ZNF385D: variants seen among roughly 807,000 people sequenced by gnomAD.
The protein encoded by ZNF385D is zinc finger protein 385D, also known as zinc finger protein 659.
A neutral mutation model predicts 35.8 loss-of-function variants in ZNF385D; 15 were observed. The ratio of observed to expected loss-of-function variants is 0.42; its 90% confidence interval spans 0.28 to 0.64. The LOEUF is 0.64. Among genes scored for constraint, ZNF385D ranks in the 30% least tolerant of loss-of-function variants. ZNF385D has a pLI of 0.23. For synonymous variants in ZNF385D, 212 were observed against 186.8 expected, an observed-to-expected ratio of 1.13 and a Z score of -1.10; for missense variants, 474 against 494.6, an observed-to-expected ratio of 0.96 and a Z score of 0.39.
intron 2 of ZNF385D, among the ~76,000 whole-genome samples, chr3:22,214,579 T>C (rs1270213517): frequency 1.3e-5 from 2 of 152,056 alleles, no homozygotes; most frequent in Non-Finnish European, 2.9e-5. Flanking sequence ...AGAAAGGGAA[T>C]GCGTCCCTGA....
chr3:22,188,720 G>C (rs1290900926), intron 2 of ZNF385D, among the ~76,000 whole-genome samples: 1 of 152,178 alleles, frequency 6.6e-6, no homozygotes, highest in Non-Finnish European at 1.5e-5. Context: ...AAAGTGCTGA[G>C]ATTACAGGCA....
Position 22,203,029 on chromosome 3 carries a change from A to C in ZNF385D, c.107-33994T>G, listed in dbSNP as rs546973783. Among the ~76,000 whole-genome samples the C allele has an allele frequency of 2.2e-4, 33 of 152,192 alleles. No individual in the cohort carries two copies. In the South Asian group the frequency reaches 4.1e-3, roughly 19 times the overall value. On this transcript the variant is annotated intron_variant, in intron 2 of 5. Coordinates refer to the ZNF385D transcript ENST00000494108. ...TGCGCTTGGAACCAGTGAATGTGGG[A>C]GACATGCAACCTAGGGAGACATCAT...
intron 1 of ZNF385D, among the ~76,000 whole-genome samples, chr3:21,720,919 C>T (rs1036433406): frequency 3.9e-5 from 6 of 152,130 alleles, no homozygotes; most frequent in Admixed American, 1.3e-4. Context: ...ATTATTTGTA[C>T]CTTTTTCCTG....
chr3:22,047,257 G>C (rs1273537467), intron 3 of ZNF385D, among the ~76,000 whole-genome samples: 1 of 151,860 alleles, frequency 6.6e-6, no homozygotes, highest in Non-Finnish European at 1.5e-5. Context: ...GTGGTGGTAA[G>C]AACACTTAAA....
At chr3:22,255,052 T>C (rs1222873150) in intron 2 of ZNF385D, among the ~76,000 whole-genome samples, 1 of 151,946 alleles carries the variant, frequency 6.6e-6, no homozygotes, top group Non-Finnish European at 1.5e-5. Context: ...AATCTATGTA[T>C]TATTCATTTC....
chr3:22,005,666 TCA>T (rs543538408), intron 3 of ZNF385D, among the ~76,000 whole-genome samples: 9 of 152,188 alleles, frequency 5.9e-5, no homozygotes, highest in African/African-American at 2.2e-4. Flanking sequence ...CATTATATTC[TCA>T]CACCTCATTA....
chr3:22,043,421 G>A (rs1698793758), intron 3 of ZNF385D, among the ~76,000 whole-genome samples: 1 of 152,086 alleles, frequency 6.6e-6, no homozygotes, highest in Non-Finnish European at 1.5e-5. Flanking sequence ...TACAAACTGA[G>A]TTGCATTTTA....
chr3:21,478,391 TAA>T (rs1231448403), intron 4 of ZNF385D, among the ~76,000 whole-genome samples: 1 of 152,120 alleles, frequency 6.6e-6, no homozygotes, highest in African/African-American at 2.4e-5. Flanking sequence ...GTAAAAAGGA[TAA>T]AAGAGTTGAA....
At chr3:21,594,007 G>T (rs1316562687) in intron 2 of ZNF385D, among the ~76,000 whole-genome samples, 1 of 152,044 alleles carries the variant, frequency 6.6e-6, no homozygotes, top group Non-Finnish European at 1.5e-5. Context: ...AGTTAAGGCA[G>T]TTTAACTACC....
chr3:21,590,624 G>A (rs115081946), intron 2 of ZNF385D, among the ~76,000 whole-genome samples: 4,901 of 152,138 alleles, frequency 0.032, 151 homozygotes, highest in Middle Eastern at 0.075. Flanking sequence ...CAATCATTTA[G>A]TATAGTCACA....
chr3:21,556,784 G>A (rs1448186797), intron 3 of ZNF385D, among the ~76,000 whole-genome samples: 1 of 152,146 alleles, frequency 6.6e-6, no homozygotes, highest in Non-Finnish European at 1.5e-5. Context: ...CCATTTTCAC[G>A]ATATCGATTC....
intron 3 of ZNF385D, among the ~76,000 whole-genome samples, chr3:22,130,756 G>C (rs1165761943): frequency 1.2e-4 from 18 of 152,072 alleles, no homozygotes; most frequent in Admixed American, 1.0e-3. Context: ...TCCTTGATAT[G>C]ATGTTAGAAC....
chr3:21,732,169 C>T (rs2069048740), intron 1 of ZNF385D, among the ~76,000 whole-genome samples: 1 of 150,878 alleles, frequency 6.6e-6, no homozygotes, highest in African/African-American at 2.4e-5. Flanking sequence ...CCTGCCTCAG[C>T]CTCCCGAGTA....
intron 5 of ZNF385D, among the ~76,000 whole-genome samples, chr3:21,430,156 T>C (rs1701227518): frequency 6.6e-6 from 1 of 152,096 alleles, no homozygotes; most frequent in Admixed American, 6.6e-5. Flanking sequence ...AGAAGAAAAC[T>C]TTGGTTTACA....
upstream of ZNF385D, among the ~76,000 whole-genome samples, chr3:21,755,855 G>A (rs749858210): frequency 1.3e-5 from 2 of 152,136 alleles, no homozygotes; most frequent in African/African-American, 2.4e-5. Context: ...GATGAAGAAC[G>A]CTGCAGAAAG....
intron 2 of ZNF385D, among the ~76,000 whole-genome samples, chr3:21,639,182 GC>G (rs2065530920): frequency 6.6e-6 from 1 of 151,944 alleles, no homozygotes; most frequent in South Asian, 2.1e-4. Context: ...ACTTCCACAT[GC>G]CCTGTATCTC....
At chr3:21,785,163 G>A (rs373001488) in intron 3 of ZNF385D, among the ~76,000 whole-genome samples, 13 of 152,208 alleles carry the variant, frequency 8.5e-5, no homozygotes, top group East Asian at 1.9e-4. Flanking sequence ...CCCAAATCAC[G>A]TAACTATTAA....
intron 2 of ZNF385D, among the ~76,000 whole-genome samples, chr3:21,589,681 TATTC>T (rs1324824899): frequency 1.3e-5 from 2 of 152,090 alleles, no homozygotes; most frequent in African/African-American, 4.8e-5. Flanking sequence ...AAGAAAATCA[TATTC>T]TAAGAGAAAA....
chr3:22,166,182 A>ATAATTT (rs1706316286), intron 3 of ZNF385D, among the ~76,000 whole-genome samples: 2 of 152,176 alleles, frequency 1.3e-5, no homozygotes, highest in Non-Finnish European at 1.5e-5. Flanking sequence ...TTCGTGGCCT[A>ATAATTT]CATCATGTTA....
Sources: allele counts gnomAD v4.1 joint callset (sites outside exome capture counted in the v4.1 genomes callset), GRCh38; gene constraint gnomAD v4.1.1; transcripts MANE v1.5; gene names NCBI Gene and HGNC (gene_info 2026-07-23, HGNC 2026-07-21).